OPHN1: variants seen among roughly 807,000 people sequenced by gnomAD.
OPHN1 encodes oligophrenin 1.
Under a neutral mutation model 60.7 loss-of-function variants are expected in OPHN1, and 11 were observed. The ratio of observed to expected loss-of-function variants is 0.18; its 90% confidence interval spans 0.11 to 0.30. OPHN1 has a LOEUF of 0.30. OPHN1 is among the 10% of genes least tolerant of loss of function. The probability of loss-of-function intolerance (pLI) is 1.00; values close to 1 mark genes in which losing one functional copy is unlikely to be tolerated. For synonymous variants in OPHN1, 226 were observed against 222.6 expected (o/e 1.02, Z -0.14); for missense variants, 449 against 611.0 (o/e 0.73, Z 2.80).
At chrX:68,060,817 A>C (rs2076890211) in intron 21 of OPHN1, among the ~76,000 whole-genome samples, 1 of 111,632 alleles carries the variant, frequency 9.0e-6, no homozygotes, top group South Asian at 3.8e-4. Context: ...TGGCTGAGGT[A>C]ACAGTTCCCT....
intron 9 of OPHN1, among the ~76,000 whole-genome samples, chrX:68,206,984 T>C (rs969217559): frequency 9.0e-6 from 1 of 111,592 alleles, no homozygotes; most frequent in Non-Finnish European, 1.9e-5. Context: ...TTGCTGTCTC[T>C]ATAACTGTTC....
At chrX:68,269,633 C>A (rs1051505899) in intron 5 of OPHN1, among the ~76,000 whole-genome samples, 5 of 111,676 alleles carry the variant, frequency 4.5e-5, no homozygotes, top group Admixed American at 9.5e-5. Context: ...ACCATAAAAA[C>A]CCTAGAAGAA....
At chrX:68,251,463 C>T (rs928637218) in intron 5 of OPHN1, among the ~76,000 whole-genome samples, 5 of 109,639 alleles carry the variant, frequency 4.6e-5, no homozygotes, top group Admixed American at 3.9e-4. Context: ...CGATTACAGG[C>T]GAGAGCCACC....
chrX:68,062,401 G>T (rs1304028016), intron 21 of OPHN1, among the ~76,000 whole-genome samples: 1 of 112,482 alleles, frequency 8.9e-6, no homozygotes, highest in Non-Finnish European at 1.9e-5. Flanking sequence ...TATGGACAAA[G>T]TTTGAATTTC....
chrX:68,087,190 G>A (rs2076998847), intron 19 of OPHN1, among the ~76,000 whole-genome samples: 1 of 112,145 alleles, frequency 8.9e-6, no homozygotes, highest in Admixed American at 9.4e-5. Flanking sequence ...TAGAGTCTGG[G>A]GGCAAACCAG....
intron 6 of OPHN1, among the ~76,000 whole-genome samples, chrX:68,229,823 T>C (rs1240754106): frequency 1.8e-4 from 20 of 111,961 alleles, no homozygotes; most frequent in African/African-American, 4.9e-4. Flanking sequence ...GAAGAAAACC[T>C]AGGCAATACC....
intron 19 of OPHN1, among the ~76,000 whole-genome samples, chrX:68,080,542 A>G (rs1909195550): frequency 2.7e-5 from 3 of 112,405 alleles, no homozygotes; most frequent in African/African-American, 9.7e-5. Context: ...TAAGTTTTAG[A>G]TAACAGAATA....
chrX:68,226,956 TCCCATCATTGTGCTGTATTCAGGAGA>T (rs1213129419), intron 6 of OPHN1, among the ~76,000 whole-genome samples: 3 of 110,900 alleles, frequency 2.7e-5, no homozygotes, highest in Non-Finnish European at 3.8e-5. Flanking sequence ...AAGAGTCAAG[TCCCATCATTGTGCTGTATTCAGGAGA>T]CCCATCAGTG....
At chrX:68,283,171 A>G in intron 3 of OPHN1, 54 bp from the exon 4 acceptor site, 1 of 986,884 alleles carries the variant, frequency 1.0e-6, no homozygotes, top group Non-Finnish European at 1.4e-6. Context: ...TTGACAGACA[A>G]ATGGATAGAG....
chrX:68,323,649 CAATA>C (rs1156351122), intron 2 of OPHN1, among the ~76,000 whole-genome samples: 1 of 111,164 alleles, frequency 9.0e-6, no homozygotes, highest in Non-Finnish European at 1.9e-5. Context: ...AGTATGGACT[CAATA>C]AATACTTGTT....
At chrX:68,122,170 G>A (rs959621122) in intron 15 of OPHN1, among the ~76,000 whole-genome samples, 4 of 111,538 alleles carry the variant, frequency 3.6e-5, no homozygotes, top group African/African-American at 1.3e-4. Flanking sequence ...AAAAGTAAAA[G>A]GAGAAAGTAA....
rs144345572 is a variant in OPHN1, at chrX:68,073,206, G to A, written c.1780C>T (p.Arg594Cys). 18 of 1,210,263 alleles carry A rather than the reference G, an allele frequency of 1.5e-5. No individual in the cohort carries two copies. Among genetic ancestry groups the A allele is most frequent in the South Asian group, 3.5e-5 (2 of 56,793 alleles). ...RRHKPITISK[R>C]LLRERTVFYT... ...AAAACCGTCCTTTCTCGCAGCAAGC[G>A]CTTTGAAATCGTGATTGGTTTGTGC... The change falls in exon 20 of 25, where the codon CGC becomes TGC. Residue 594 changes from arginine to cysteine, a missense_variant. Arg to Cys is a radical substitution (Grantham distance 180). This residue lies in a region of OPHN1 where 166 missense variants were observed against 278.4 expected (regional missense o/e 0.60). Coordinates refer to ENST00000355520, the MANE Select transcript of OPHN1 (RefSeq NM_002547.3).
intron 2 of OPHN1, among the ~76,000 whole-genome samples, chrX:68,380,324 T>C (rs2078589133): frequency 9.0e-6 from 1 of 111,503 alleles, no homozygotes; most frequent in Non-Finnish European, 1.9e-5. Flanking sequence ...CTCTCTTTTC[T>C]TCTTTATTAG....
chrX:68,291,604 C>T (rs900838147), intron 3 of OPHN1, among the ~76,000 whole-genome samples: 6 of 111,044 alleles, frequency 5.4e-5, no homozygotes, highest in Middle Eastern at 4.7e-3. Context: ...TTGTGAATCC[C>T]GGACCACTGA....
intron 15 of OPHN1, among the ~76,000 whole-genome samples, chrX:68,153,230 A>C (rs2077293860): frequency 9.1e-6 from 1 of 110,182 alleles, no homozygotes; most frequent in Admixed American, 9.7e-5. Context: ...AAAAAAAGAA[A>C]AAAGAAAGAA....
chrX:68,165,240 C>A (rs1013822224), intron 15 of OPHN1, among the ~76,000 whole-genome samples: 3 of 112,079 alleles, frequency 2.7e-5, no homozygotes, highest in Non-Finnish European at 5.6e-5. Flanking sequence ...TTTGCATTCA[C>A]AACTTGACTA....
At chrX:68,118,562 A>C (rs2077137108) in intron 16 of OPHN1, among the ~76,000 whole-genome samples, 1 of 112,201 alleles carries the variant, frequency 8.9e-6, no homozygotes, top group Non-Finnish European at 1.9e-5. Flanking sequence ...TTGCACATAA[A>C]GTATGATACA....
In OPHN1 at chrX:68,214,044, C is replaced by G. The variant is rs141924181; in HGVS notation, c.487-72G>C. Reference sequence around the variant, plus strand: ...TGAAAGTCAGTACTTAAGGATTGAACAGAATGCTAGAGCTAGATGAGCATT... The same window carrying G: ...TGAAAGTCAGTACTTAAGGATTGAAGAGAATGCTAGAGCTAGATGAGCATT... On this transcript the variant is annotated intron_variant, in intron 6 of 24. Coordinates refer to ENST00000355520, the MANE Select transcript of OPHN1 (RefSeq NM_002547.3). The G allele has an allele frequency of 2.7e-4, 170 of 622,511 alleles. No homozygotes were observed. The East Asian group carries it at 6.0e-3, about 22-fold the overall frequency. The allele number at this position is 622,511 out of a possible 1,213,427, so 51.3% of individuals were successfully genotyped here.
At chrX:68,416,059 TATATATATAGAGAGAGAGAGAGAGAG>T (rs1233102343) in intron 2 of OPHN1, among the ~76,000 whole-genome samples, 9 of 6,973 alleles carry the variant, frequency 1.3e-3, no homozygotes, top group Admixed American at 2.2e-3. Context: ...TATATATATA[TATATATATAGAGAGAGAGAGAGAGAG>T]AGAGAGAGAG....
Sources: gnomAD v4.1 joint callset for allele counts (sites outside exome capture counted in the v4.1 genomes callset) on GRCh38, gnomAD v4.1.1 for gene constraint, gnomAD v4.1.1 regional missense constraint, MANE v1.5 for transcripts, NCBI Gene and HGNC (gene_info 2026-07-23, HGNC 2026-07-21) for gene names.